Variants in ESRP1 observed in about 807,000 individuals in gnomAD.
ESRP1 encodes epithelial splicing regulatory protein 1.
Under a neutral mutation model 81.7 loss-of-function variants are expected in ESRP1, and 33 were observed. The observed-to-expected ratio is 0.40, with a 90% CI of 0.31 to 0.54. The LOEUF (loss-of-function observed/expected upper bound fraction) is 0.54. ESRP1 is among the 20% of genes least tolerant of loss of function. The pLI, the probability that ESRP1 is intolerant of heterozygous loss-of-function variation, is 0.41. For synonymous variants in ESRP1, 320 were observed against 303.3 expected (o/e 1.06, Z -0.57); for missense variants, 672 against 833.1 (o/e 0.81, Z 2.38).
rs1036647185 is a variant in ESRP1 at position 94,705,892 on chromosome 8, C to A, written c.*36-33C>A. On this transcript the variant is annotated intron_variant, in intron 15 of 15. Coordinates refer to ENST00000433389, the MANE Select transcript of ESRP1 (RefSeq NM_017697.4). ...ATGACATTTAGAGACTATAACATTT[C>A]CTTTTATTCACTTTTTTTTTTTTTT... is the stretch of plus-strand genomic sequence containing the variant. 8 of 1,461,176 alleles carry A rather than the reference C, an allele frequency of 5.5e-6. No homozygotes were observed. In the Admixed American group the frequency reaches 1.0e-4, roughly 19 times the overall value. The allele number at this position is 1,461,176 out of a possible 1,614,324, so 90.5% of individuals were successfully genotyped here.
At chr8:94,701,037 C>T (rs1809814124) in intron 15 of ESRP1, among the ~76,000 whole-genome samples, 1 of 151,250 alleles carries the variant, frequency 6.6e-6, no homozygotes, top group South Asian at 2.1e-4. Context: ...TTTTGGTAGG[C>T]TGAAGCAGGT....
chr8:94,642,397 GC>G (rs1275099577), intron 2 of ESRP1, among the ~76,000 whole-genome samples: 1 of 152,202 alleles, frequency 6.6e-6, no homozygotes, highest in Non-Finnish European at 1.5e-5. Context: ...GAATCCTAGC[GC>G]CCCCATCTCC....
rs946102837 is a variant in ESRP1 at position 94,706,699 on chromosome 8, AT to A, written c.*812del. ...TGTGGCTTCATATGTATTATTTTATATTGTACTTTTTTCATTATTGATGGTT... is the reference window on the plus strand; with the variant it reads ...TGTGGCTTCATATGTATTATTTTATATGTACTTTTTTCATTATTGATGGTT... On this transcript the variant is annotated 3_prime_UTR_variant, in exon 16 of 16. Coordinates refer to ENST00000433389, the MANE Select transcript of ESRP1 (RefSeq NM_017697.4). 1.3e-5 allele frequency: 2 copies of A among 152,582 alleles called. No individual in the cohort carries two copies. The highest frequency in any genetic ancestry group is 1.3e-4 in the Admixed American group (2 of 15,274). The allele number at this position is 152,582 out of a possible 1,614,324, so 9.5% of individuals were successfully genotyped here. A position where few individuals can be genotyped will look rare whatever the true frequency, so the allele number is the denominator to read the frequency against.
At chr8:94,677,714 C>T (rs1808702010) in intron 12 of ESRP1, among the ~76,000 whole-genome samples, 1 of 152,160 alleles carries the variant, frequency 6.6e-6, no homozygotes, top group Admixed American at 6.5e-5. Flanking sequence ...ATGCTTTGAC[C>T]TAATATGTGG....
chr8:94,696,977 G>A lies in ESRP1; in HGVS notation c.*35+16G>A, dbSNP rs56147836. The A allele has an allele frequency of 3.8e-3, 5,755 of 1,505,644 alleles. 180 individuals are homozygous for A. In the African/African-American group the frequency reaches 0.07, roughly 18 times the overall value. The allele number at this position is 1,505,644 out of a possible 1,614,324, so 93.3% of individuals were successfully genotyped here. A position where few individuals can be genotyped will look rare whatever the true frequency, so the allele number is the denominator to read the frequency against. ...AGAAAAGAAGGTAAGGCTTTATGAT[G>A]TGCAAGTTAAATTATAAAGGGCCAA... On this transcript the variant is annotated intron_variant, in intron 15 of 15. Coordinates refer to ENST00000433389, the MANE Select transcript of ESRP1 (RefSeq NM_017697.4).
At chr8:94,701,060 G>T (rs1353478999) in intron 15 of ESRP1, among the ~76,000 whole-genome samples, 1 of 151,668 alleles carries the variant, frequency 6.6e-6, no homozygotes, top group Admixed American at 6.6e-5. Context: ...ATCATCTGAG[G>T]TCAGGAGTTC....
intron 4 of ESRP1, among the ~76,000 whole-genome samples, chr8:94,659,687 A>G (rs1220648204): frequency 6.6e-6 from 1 of 152,218 alleles, no homozygotes; most frequent in Non-Finnish European, 1.5e-5. Flanking sequence ...CGTAAAGGAA[A>G]ATTTCTTGAA....
chr8:94,664,664 A>T (rs981046996), intron 6 of ESRP1, 33 bp from the exon 7 acceptor site: 3 of 1,529,790 alleles, frequency 2.0e-6, no homozygotes, highest in Non-Finnish European at 2.7e-6. Context: ...GCTAGCATTT[A>T]TCATGCAACC....
chr8:94,669,213 C>T (rs1325793982), intron 10 of ESRP1, among the ~76,000 whole-genome samples: 1 of 152,170 alleles, frequency 6.6e-6, no homozygotes, highest in African/African-American at 2.4e-5. Flanking sequence ...ACCAATTGAA[C>T]ATGTCTTCAG....
At chr8:94,673,878 GGTTCA>G (rs1819457535) in intron 11 of ESRP1, among the ~76,000 whole-genome samples, 1 of 152,210 alleles carries the variant, frequency 6.6e-6, no homozygotes, top group East Asian at 1.9e-4. Flanking sequence ...AAAGAATACC[GGTTCA>G]GTTTCCTGTA....
chr8:94,663,241 C>CATTTATTT (rs574824430), intron 6 of ESRP1, among the ~76,000 whole-genome samples: 2 of 152,036 alleles, frequency 1.3e-5, no homozygotes, highest in African/African-American at 4.8e-5. Flanking sequence ...TCTATAAGTA[C>CATTTATTT]ATTTATTTAT....
intron 10 of ESRP1, among the ~76,000 whole-genome samples, chr8:94,670,957 T>C (rs1819287945): frequency 6.6e-6 from 1 of 152,232 alleles, no homozygotes; most frequent in Non-Finnish European, 1.5e-5. Context: ...GTGATTCTTT[T>C]ACTGGGTCAT....
chr8:94,641,326 C>T lies in ESRP1; in HGVS notation c.8C>T (p.Ala3Val). The T allele has an allele frequency of 6.2e-7, 1 of 1,610,132 alleles. No homozygotes were observed. Among genetic ancestry groups the T allele is most frequent in the Non-Finnish European group, 8.5e-7 (1 of 1,176,958 alleles). Residue 3 changes from alanine (A) to valine (V), a missense_variant, in exon 1 of 16, where the codon GCC becomes GTC. Transcript: ENST00000433389. MTASPDYLVVLFG... is the reference protein window; with the variant it reads MTVSPDYLVVLFG... ...CCCTCCCCACCTATCGTCATGACGG[C>T]CTCTCCGGATTACTTGGTGGTGCTT...
In ESRP1 at chr8:94,695,371, T is replaced by TTTTTTTTTTTTTTTTTTTTTTTTC; in HGVS notation, c.1972-1480_1972-1479insTTTTTTTTTTTTTTTTTTTTTTCT. On this transcript the variant is annotated intron_variant, in intron 14 of 15. Coordinates refer to ENST00000433389, the MANE Select transcript of ESRP1 (RefSeq NM_017697.4). ...TTCTTTTTTTTTTTTTTTTTTTTTT[T>TTTTTTTTTTTTTTTTTTTTTTTTC]TGAGACGGAGTCTCACTCTGTCGCC... Among the ~76,000 whole-genome samples, 2 of 111,996 alleles carry TTTTTTTTTTTTTTTTTTTTTTTTC rather than the reference T, an allele frequency of 1.8e-5. 1 individual carries two copies. Among genetic ancestry groups the TTTTTTTTTTTTTTTTTTTTTTTTC allele is most frequent in the Non-Finnish European group, 3.5e-5 (2 of 57,732 alleles). 73.5% of individuals were successfully genotyped at this position (111,996 alleles called of 152,430 possible).
rs1047986115 is a variant in ESRP1 at position 94,650,036 on chromosome 8, G to C, written c.490+3754G>C. ...CTTCCCTTCCTCTCCTTCTCTCCCC[G>C]TGCCCCCTCACTGTGAAAGTGCTGT... On this transcript the variant is annotated intron_variant, in intron 4 of 15. Coordinates refer to ENST00000433389, the MANE Select transcript of ESRP1 (RefSeq NM_017697.4). Among the ~76,000 whole-genome samples the C allele has an allele frequency of 2.0e-5, 3 of 150,758 alleles. No homozygotes were observed. In the South Asian group the frequency reaches 6.3e-4, roughly 32 times the overall value.
At chr8:94,668,325 G>T in intron 10 of ESRP1, 75 bp downstream of exon 10, 1 of 1,339,712 alleles carries the variant, frequency 7.5e-7, no homozygotes. Context: ...GTCCTACATT[G>T]CTCATTATGT....
intron 15 of ESRP1, among the ~76,000 whole-genome samples, chr8:94,703,560 A>G (rs1206223812): frequency 6.6e-6 from 1 of 152,180 alleles, no homozygotes; most frequent in Non-Finnish European, 1.5e-5. Flanking sequence ...TCAGAATATG[A>G]AGGCTTAATT....
At chr8:94,704,716 TCACC>T (rs1809986522) in intron 15 of ESRP1, among the ~76,000 whole-genome samples, 1 of 139,190 alleles carries the variant, frequency 7.2e-6, no homozygotes, top group Non-Finnish European at 1.5e-5. Context: ...AGCTCTGATC[TCACC>T]ACTGTACTCC....
In ESRP1 at chr8:94,668,131, G is replaced by C. The variant is rs1270546828; in HGVS notation, c.1114G>C (p.Asp372His). ...VTYPDGRPTG[D>H]AFVLFACEEY... ...CTACCCAGATGGTAGGCCAACAGGG[G>C]ACGCTTTTGTCCTCTTTGCCTGTGA... Residue 372 changes from aspartate (D) to histidine (H), a missense_variant, in exon 10 of 16, where the codon GAC becomes CAC. Asp to His is a moderately conservative substitution (Grantham distance 81, BLOSUM62 -1). Coordinates refer to ENST00000433389, the MANE Select transcript of ESRP1 (RefSeq NM_017697.4). 1 of 1,614,034 alleles carries C rather than the reference G, an allele frequency of 6.2e-7. No homozygotes were observed. The highest frequency in any genetic ancestry group is 1.7e-5 in the Admixed American group (1 of 60,016).
Sources: gnomAD v4.1 joint callset for allele counts (sites outside exome capture counted in the v4.1 genomes callset) on GRCh38, gnomAD v4.1.1 for gene constraint, MANE v1.5 for transcripts, NCBI Gene and HGNC (gene_info 2026-07-23, HGNC 2026-07-21) for gene names.